Variants in LEKR1 observed in about 807,000 individuals in gnomAD.
The protein encoded by LEKR1 is leucine, glutamate and lysine rich 1, also known as protein LEKR1.
LEKR1 carries 59 observed loss-of-function variants against 72.4 expected under a neutral mutation model. That is an observed-to-expected ratio of 0.82 (90% CI 0.66 to 1.01). The LOEUF (loss-of-function observed/expected upper bound fraction) is 1.01, where lower values mean the gene tolerates loss of function less well. Ranked by LOEUF, LEKR1 falls within the 50% of genes least tolerant of loss-of-function variation. The pLI, the probability that LEKR1 is intolerant of heterozygous loss-of-function variation, is 0.00. For missense variants in LEKR1, 728 were observed against 759.2 expected (o/e 0.96, Z 0.48); for synonymous variants, 257 against 263.2 (o/e 0.98, Z 0.23).
chr3:156,960,471 A>G (rs555705839), intron 6 of LEKR1, among the ~76,000 whole-genome samples: 148 of 152,186 alleles, frequency 9.7e-4, no homozygotes, highest in African/African-American at 3.2e-3. Context: ...TTTTTAGTAG[A>G]GACGGGGTTT....
chr3:156,946,100 T>C (rs1726653933), intron 6 of LEKR1, among the ~76,000 whole-genome samples: 1 of 151,760 alleles, frequency 6.6e-6, no homozygotes, highest in Non-Finnish European at 1.5e-5. Context: ...TATCTTTCCA[T>C]TTTTTTGTTT....
At chr3:156,912,212 A>T (rs538722992) in intron 3 of LEKR1, among the ~76,000 whole-genome samples, 7 of 152,246 alleles carry the variant, frequency 4.6e-5, no homozygotes, top group Non-Finnish European at 8.8e-5. Context: ...ATAATAATGA[A>T]TTTTGAGATT....
intron 7 of LEKR1, among the ~76,000 whole-genome samples, chr3:156,984,635 A>C (rs1576948033): frequency 6.6e-6 from 1 of 152,144 alleles, no homozygotes; most frequent in East Asian, 1.9e-4. Context: ...CAAGATTGCG[A>C]CACTGCACTC....
chr3:156,904,127 A>G (rs139396594), intron 3 of LEKR1, among the ~76,000 whole-genome samples: 30 of 152,350 alleles, frequency 2.0e-4, no homozygotes, highest in Non-Finnish European at 3.5e-4. Flanking sequence ...ACCAACGCCT[A>G]CTGGGCATTG....
chr3:156,973,031 C>T (rs1729375402), intron 6 of LEKR1, among the ~76,000 whole-genome samples: 1 of 151,992 alleles, frequency 6.6e-6, no homozygotes, highest in Non-Finnish European at 1.5e-5. Flanking sequence ...AAGAAAGTTA[C>T]ATTTTAATGC....
At chr3:156,915,096 C>T (rs1723496320) in intron 3 of LEKR1, among the ~76,000 whole-genome samples, 1 of 152,102 alleles carries the variant, frequency 6.6e-6, no homozygotes, top group African/African-American at 2.4e-5. Context: ...CAACCCCATC[C>T]ATGTTCCTGC....
At chr3:156,996,769 A>G (rs1731602282) in intron 9 of LEKR1, among the ~76,000 whole-genome samples, 1 of 152,058 alleles carries the variant, frequency 6.6e-6, no homozygotes, top group Non-Finnish European at 1.5e-5. Flanking sequence ...CCTAAGGGTT[A>G]AAAAGATCTT....
intron 2 of LEKR1, among the ~76,000 whole-genome samples, chr3:156,849,047 A>G (rs1453132987): frequency 6.6e-6 from 1 of 152,152 alleles, no homozygotes; most frequent in Non-Finnish European, 1.5e-5. Context: ...CTGATAAGCA[A>G]CTTCAGCAAA....
At chr3:157,011,608 G>A (rs965228089) in intron 10 of LEKR1, 102 bp downstream of exon 10, 1 of 779,630 alleles carries the variant, frequency 1.3e-6, no homozygotes, top group Admixed American at 2.2e-5. Flanking sequence ...TTGCTTCTAT[G>A]CACACTTTAG....
At chr3:156,855,399 A>T (rs1715937432) in intron 3 of LEKR1, among the ~76,000 whole-genome samples, 1 of 152,178 alleles carries the variant, frequency 6.6e-6, no homozygotes, top group South Asian at 2.1e-4. Flanking sequence ...AATGAAGCTG[A>T]ACATTTGTTT....
chr3:157,017,948 C>CAAAAAAAAAAAAAAAAAA (rs58950224), intron 10 of LEKR1, among the ~76,000 whole-genome samples: 37 of 82,960 alleles, frequency 4.5e-4, no homozygotes, highest in African/African-American at 2.3e-3. Context: ...GACTCTGTCT[C>CAAAAAAAAAAAAAAAAAA]AAAAAAAAAA....
At chr3:156,837,089 G>A (rs1050446732) in intron 2 of LEKR1, among the ~76,000 whole-genome samples, 10 of 152,146 alleles carry the variant, frequency 6.6e-5, no homozygotes, top group Non-Finnish European at 1.5e-5. Flanking sequence ...AAAAAAAATG[G>A]TATACTCAGT....
At chr3:156,956,841 C>T (rs1727681908) in intron 6 of LEKR1, among the ~76,000 whole-genome samples, 1 of 151,912 alleles carries the variant, frequency 6.6e-6, no homozygotes, top group Admixed American at 6.6e-5. Context: ...AAGAAAACTC[C>T]AAGACCCCAA....
intron 10 of LEKR1, among the ~76,000 whole-genome samples, chr3:157,013,867 T>C (rs1377214356): frequency 6.6e-6 from 1 of 152,090 alleles, no homozygotes; most frequent in Non-Finnish European, 1.5e-5. Context: ...TAAAATAAAC[T>C]TCATAGCTTA....
Position 156,840,797 on chromosome 3 carries a change from A to G in LEKR1, c.48+11420A>G, listed in dbSNP as rs542387857. ...TTACATTCAATTATCTTCACCTTTTAAGTTAGGTGTAAAAGAGTAAGCACA... is the reference window on the plus strand; with the variant it reads ...TTACATTCAATTATCTTCACCTTTTGAGTTAGGTGTAAAAGAGTAAGCACA... On this transcript the variant is annotated intron_variant, in intron 2 of 12. Transcript: ENST00000356539. Among the ~76,000 whole-genome samples the G allele has an allele frequency of 2.6e-5, 4 of 152,320 alleles. No individual in the cohort carries two copies. The South Asian group carries it at 8.3e-4, about 32-fold the overall frequency.
chr3:156,982,705 A>G (rs1730302419), intron 7 of LEKR1, among the ~76,000 whole-genome samples: 1 of 152,202 alleles, frequency 6.6e-6, no homozygotes, highest in African/African-American at 2.4e-5. Context: ...TTTAAGTACT[A>G]TAATATCTAG....
At chr3:157,012,071 G>C (rs1043963937) in intron 10 of LEKR1, among the ~76,000 whole-genome samples, 2 of 151,982 alleles carry the variant, frequency 1.3e-5, no homozygotes, top group Non-Finnish European at 2.9e-5. Flanking sequence ...CAATGAATAG[G>C]TATTACTTTC....
At chr3:156,899,898 T>C (rs1412219090) in intron 3 of LEKR1, among the ~76,000 whole-genome samples, 4 of 151,948 alleles carry the variant, frequency 2.6e-5, no homozygotes, top group African/African-American at 9.7e-5. Flanking sequence ...AAATAGAATT[T>C]ATTCTAAAGA....
chr3:156,999,095 A>G (rs1232575548), intron 9 of LEKR1, among the ~76,000 whole-genome samples: 2 of 152,044 alleles, frequency 1.3e-5, no homozygotes, highest in Admixed American at 1.3e-4. Context: ...CGCCCTGTGA[A>G]GAAGGTGTCT....
Sources: gnomAD v4.1 joint callset for allele counts (sites outside exome capture counted in the v4.1 genomes callset) on GRCh38, gnomAD v4.1.1 for gene constraint, MANE v1.5 for transcripts, NCBI Gene and HGNC (gene_info 2026-07-23, HGNC 2026-07-21) for gene names.